TOX2: variants seen among roughly 807,000 people sequenced by gnomAD.
TOX2 encodes the protein granulosa cell HMG box 1.
In TOX2, 15 loss-of-function variants were observed where a neutral mutation model predicts 47.4. That is an observed-to-expected ratio of 0.32 (90% CI 0.21 to 0.49). The LOEUF (loss-of-function observed/expected upper bound fraction) is 0.49, where lower values mean the gene tolerates loss of function less well. Among genes scored for constraint, TOX2 ranks in the 20% least tolerant of loss-of-function variants. The pLI, the probability that TOX2 is intolerant of heterozygous loss-of-function variation, is 0.99. For synonymous variants in TOX2, 290 were observed against 296.6 expected, an observed-to-expected ratio of 0.98 and a Z score of 0.23; for missense variants, 622 against 673.1, an observed-to-expected ratio of 0.92 and a Z score of 0.84.
At chr20:43,985,022 T>C (rs1204403818) in intron 2 of TOX2, among the ~76,000 whole-genome samples, 1 of 152,152 alleles carries the variant, frequency 6.6e-6, no homozygotes, top group African/African-American at 2.4e-5. Context: ...GTGAGCTCAC[T>C]GGTGACCAAG....
intron 1 of TOX2, among the ~76,000 whole-genome samples, chr20:43,939,656 T>A (rs2069375378): frequency 1.3e-5 from 2 of 152,212 alleles, no homozygotes; most frequent in South Asian, 4.1e-4. Flanking sequence ...ATTCGTATAG[T>A]CAGACATGAG....
chr20:43,971,376 G>T (rs547564708), intron 1 of TOX2, among the ~76,000 whole-genome samples: 8 of 152,218 alleles, frequency 5.3e-5, no homozygotes, highest in African/African-American at 1.4e-4. Context: ...AGGGCGCGTC[G>T]AAAATGGTGG....
intron 3 of TOX2, among the ~76,000 whole-genome samples, chr20:44,025,432 G>A (rs768743242): frequency 4.6e-5 from 7 of 150,818 alleles, no homozygotes; most frequent in Non-Finnish European, 8.9e-5. Context: ...TGAAGAAGGG[G>A]GCAGCTGAGA....
chr20:43,944,897 C>A (rs936221368), intron 1 of TOX2, among the ~76,000 whole-genome samples: 2 of 152,232 alleles, frequency 1.3e-5, no homozygotes, highest in African/African-American at 4.8e-5. Context: ...AGGATTCGAA[C>A]CCAGCTCTGT....
At chr20:43,947,286 T>C (rs1321471457) in intron 1 of TOX2, among the ~76,000 whole-genome samples, 1 of 152,250 alleles carries the variant, frequency 6.6e-6, no homozygotes, top group Non-Finnish European at 1.5e-5. Flanking sequence ...GATGCCTACT[T>C]TCTTGTGTTG....
chr20:44,057,758 GA>G (rs1292108931), intron 5 of TOX2, among the ~76,000 whole-genome samples: 8 of 152,308 alleles, frequency 5.3e-5, no homozygotes, highest in African/African-American at 1.7e-4. Context: ...GAGGGTCCAT[GA>G]ACTGTGCTGG....
chr20:43,969,619 G>A (rs934944465), intron 1 of TOX2, among the ~76,000 whole-genome samples: 5 of 152,256 alleles, frequency 3.3e-5, no homozygotes, highest in Non-Finnish European at 4.4e-5. Context: ...CCGATGTGGT[G>A]GAACCCTGGC....
chr20:43,925,618 C>T (rs1360148997), intron 1 of TOX2, among the ~76,000 whole-genome samples: 4 of 152,200 alleles, frequency 2.6e-5, no homozygotes, highest in Admixed American at 2.0e-4. Context: ...GGGGTCCCAG[C>T]GCAGGCTTCC....
chr20:44,002,241 C>T (rs1309559757), intron 2 of TOX2, among the ~76,000 whole-genome samples: 3 of 152,282 alleles, frequency 2.0e-5, no homozygotes, highest in Admixed American at 6.5e-5. Flanking sequence ...TTGTGTGTGT[C>T]CCCCATAGTA....
In TOX2 at chr20:43,996,421, G is replaced by A. The variant is rs567055086; in HGVS notation, c.166-10126G>A. Among the ~76,000 whole-genome samples, 12 of 152,340 alleles carry A rather than the reference G, an allele frequency of 7.9e-5. No individual in the cohort carries two copies. In the South Asian group the frequency reaches 2.3e-3, roughly 29 times the overall value. On this transcript the variant is annotated intron_variant, in intron 2 of 8. Coordinates refer to ENST00000341197, the MANE Select transcript of TOX2 (RefSeq NM_001098797.2). ...CACTGGAACAAGAGGCGTGGAGCAG[G>A]CCTGCCCTGGCCTAGCCAGGACTCG...
intron 1 of TOX2, among the ~76,000 whole-genome samples, chr20:43,928,306 G>A (rs1336641718): frequency 6.6e-6 from 1 of 152,208 alleles, no homozygotes; most frequent in African/African-American, 2.4e-5. Context: ...TAAGCACCTG[G>A]TGTAGTTAGC....
At chr20:44,043,990 C>T (rs545851558) in intron 3 of TOX2, among the ~76,000 whole-genome samples, 7 of 152,256 alleles carry the variant, frequency 4.6e-5, no homozygotes, top group South Asian at 2.1e-4. Context: ...ATGTTTACTG[C>T]GGCACTATTC....
chr20:43,994,643 C>T (rs572806524), intron 2 of TOX2, among the ~76,000 whole-genome samples: 17 of 152,190 alleles, frequency 1.1e-4, no homozygotes, highest in Admixed American at 8.5e-4. Flanking sequence ...GAAAAGGACC[C>T]CCAAACCCAC....
intron 3 of TOX2, among the ~76,000 whole-genome samples, chr20:44,047,273 C>T: frequency 6.6e-6 from 1 of 152,134 alleles, no homozygotes; most frequent in East Asian, 1.9e-4. Flanking sequence ...CTCCAGTTGT[C>T]AGAACCAAAA....
At chr20:43,944,032 G>A (rs2069434538) in intron 1 of TOX2, among the ~76,000 whole-genome samples, 1 of 152,204 alleles carries the variant, frequency 6.6e-6, no homozygotes, top group African/African-American at 2.4e-5. Flanking sequence ...ACAGCTTTGT[G>A]TGTGTGTGTG....
At position 44,065,922 on chromosome 20, in the gene TOX2, C is replaced by T; in HGVS notation, c.1171C>T (p.Pro391Ser). 6.2e-7 allele frequency: 1 copy of T among 1,611,514 alleles called. No homozygotes were observed. The highest frequency in any genetic ancestry group is 8.5e-7 in the Non-Finnish European group (1 of 1,178,616). The change falls in exon 7 of 9, where the codon CCG becomes TCG. Residue 391 changes from proline to serine, a missense_variant. This residue lies in a region of TOX2 where 294 missense variants were observed against 300.0 expected (regional missense o/e 0.98). Transcript: ENST00000341197. The part of the protein sequence containing the change: ...SLLPGLSASP[P>S]PPPSFPLSPT... ...GCTGCCAGGCCTCAGTGCGTCCCCG[C>T]CGCCGCCACCCTCCTTCCCGCTCAG...
At chr20:44,015,887 A>G (rs1021338616) in intron 3 of TOX2, among the ~76,000 whole-genome samples, 2 of 152,164 alleles carry the variant, frequency 1.3e-5, no homozygotes, top group African/African-American at 2.4e-5. Flanking sequence ...GCAAAGGTTT[A>G]CAACTCGGTC....
intron 5 of TOX2, among the ~76,000 whole-genome samples, chr20:44,059,159 GAAATAGCAT>G (rs1029592121): frequency 1.4e-4 from 22 of 152,182 alleles, no homozygotes; most frequent in Non-Finnish European, 1.5e-5. Context: ...AATCTCCAGT[GAAATAGCAT>G]AAATAAAAAC....
chr20:44,023,926 C>T (rs566929411), intron 3 of TOX2, among the ~76,000 whole-genome samples: 10 of 152,212 alleles, frequency 6.6e-5, no homozygotes, highest in Non-Finnish European at 1.3e-4. Context: ...AGCACTCACC[C>T]CCTTCCCTCC....
Sources: allele counts gnomAD v4.1 joint callset (sites outside exome capture counted in the v4.1 genomes callset), GRCh38; gene constraint gnomAD v4.1.1; regional missense constraint gnomAD v4.1.1; transcripts MANE v1.5; gene names NCBI Gene and HGNC (gene_info 2026-07-23, HGNC 2026-07-21).